The following TLN2 variants were observed in gnomAD, a reference collection of about 807,000 sequenced individuals.
TLN2 encodes talin 2.
In TLN2, 118 loss-of-function variants were observed where a neutral mutation model predicts 294.7. That is an observed-to-expected ratio of 0.40 (90% CI 0.34 to 0.47). TLN2 has a LOEUF of 0.47. TLN2 is among the 20% of genes least tolerant of loss of function. The pLI, the probability that TLN2 is intolerant of heterozygous loss-of-function variation, is 0.84. For missense variants in TLN2, 3,083 were observed against 3,282.2 expected (o/e 0.94, Z 1.48); for synonymous variants, 1,431 against 1,304.5 (o/e 1.10, Z -2.09).
intron 2 of TLN2, among the ~76,000 whole-genome samples, chr15:62,617,836 C>G (rs1303829701): frequency 1.3e-5 from 2 of 152,132 alleles, no homozygotes; most frequent in East Asian, 1.9e-4. Context: ...GAAACATACT[C>G]TGTTGTATTT....
At chr15:62,772,110 A>G (rs1226623847) in intron 42 of TLN2, among the ~76,000 whole-genome samples, 1 of 151,828 alleles carries the variant, frequency 6.6e-6, no homozygotes, top group South Asian at 2.1e-4. Context: ...TTGCTCATTT[A>G]TTTACTTATT....
intron 16 of TLN2, among the ~76,000 whole-genome samples, chr15:62,699,508 G>C (rs946787662): frequency 3.3e-5 from 5 of 152,072 alleles, no homozygotes; most frequent in Non-Finnish European, 7.4e-5. Context: ...CTACCACTGA[G>C]CTTTTCAGCA....
intron 1 of TLN2, among the ~76,000 whole-genome samples, chr15:62,552,369 C>T (rs1338026490): frequency 1.3e-5 from 2 of 152,094 alleles, no homozygotes; most frequent in East Asian, 3.9e-4. Flanking sequence ...TTATTTGTAA[C>T]CTACAAATTC....
chr15:62,525,013 C>T (rs537057908), intron 1 of TLN2, among the ~76,000 whole-genome samples: 1 of 152,324 alleles, frequency 6.6e-6, no homozygotes, highest in Non-Finnish European at 1.5e-5. Flanking sequence ...AGCTCATCCT[C>T]ATAGTCATCG....
At chr15:62,792,337 A>T (rs1026114514) in intron 45 of TLN2, among the ~76,000 whole-genome samples, 28 of 152,224 alleles carry the variant, frequency 1.8e-4, no homozygotes, top group Non-Finnish European at 3.2e-4. Context: ...TCTAATTAAC[A>T]TTCTTACCAG....
chr15:62,636,387 C>T (rs533953575), intron 3 of TLN2, among the ~76,000 whole-genome samples: 12 of 152,152 alleles, frequency 7.9e-5, no homozygotes, highest in Non-Finnish European at 1.6e-4. Context: ...TGGTCTGTGA[C>T]TGCTGGATTG....
chr15:62,621,654 C>T (rs1420924960), intron 3 of TLN2, among the ~76,000 whole-genome samples: 1 of 152,142 alleles, frequency 6.6e-6, no homozygotes, highest in African/African-American at 2.4e-5. Flanking sequence ...TGTTACTGAG[C>T]TCCTGCAGTC....
At chr15:62,786,225 C>T (rs921999779) in intron 45 of TLN2, among the ~76,000 whole-genome samples, 1 of 152,166 alleles carries the variant, frequency 6.6e-6, no homozygotes, top group African/African-American at 2.4e-5. Flanking sequence ...CCCAAGAGGG[C>T]CCCCTATCAC....
chr15:62,415,098 AG>A (rs1448499275), intron 1 of TLN2, among the ~76,000 whole-genome samples: 2 of 139,928 alleles, frequency 1.4e-5, no homozygotes, highest in Non-Finnish European at 3.1e-5. Flanking sequence ...TAGTAGAGAC[AG>A]GGTTTCACCA....
At chr15:62,839,969 C>CA (rs2070420445) in intron 58 of TLN2, among the ~76,000 whole-genome samples, 1 of 152,156 alleles carries the variant, frequency 6.6e-6, no homozygotes, top group African/African-American at 2.4e-5. Flanking sequence ...TACCTATCAG[C>CA]AAGTCTTCCT....
intron 1 of TLN2, among the ~76,000 whole-genome samples, chr15:62,476,049 G>T (rs1358394260): frequency 5.3e-5 from 8 of 152,244 alleles, no homozygotes; most frequent in African/African-American, 1.9e-4. Context: ...TATTTCCAAG[G>T]ACCCTTGGCA....
chr15:62,728,573 G>A (rs775846152), intron 28 of TLN2, among the ~76,000 whole-genome samples: 2 of 152,216 alleles, frequency 1.3e-5, no homozygotes, highest in African/African-American at 4.8e-5. Context: ...ACTTTGTATC[G>A]TCAGTCTTTT....
intron 1 of TLN2, among the ~76,000 whole-genome samples, chr15:62,476,876 G>A (rs2037811327): frequency 6.6e-6 from 1 of 152,168 alleles, no homozygotes; most frequent in African/African-American, 2.4e-5. Context: ...CCCCTTTAGA[G>A]ATGCTTATCT....
intron 1 of TLN2, among the ~76,000 whole-genome samples, chr15:62,530,422 A>T (rs536201598): frequency 6.6e-6 from 1 of 152,054 alleles, no homozygotes; most frequent in Non-Finnish European, 1.5e-5. Context: ...CAGTGGCACA[A>T]TCTCAGCTCA....
chr15:62,595,850 A>T (rs889823828), intron 2 of TLN2, among the ~76,000 whole-genome samples: 1 of 152,218 alleles, frequency 6.6e-6, no homozygotes, highest in Non-Finnish European at 1.5e-5. Context: ...AATCTAAAAA[A>T]TTTGAACTCA....
At chr15:62,676,056 G>C (rs2056149334) in intron 11 of TLN2, among the ~76,000 whole-genome samples, 2 of 152,308 alleles carry the variant, frequency 1.3e-5, no homozygotes, top group African/African-American at 4.8e-5. Flanking sequence ...CAGTCTTCTT[G>C]TGTTGCTTTC....
At position 62,407,878 on chromosome 15, in the gene TLN2, A is replaced by G. The variant is rs183892149; in HGVS notation, c.-238+17193A>G. 1.9e-3 allele frequency among the ~76,000 whole-genome samples: 283 copies of G among 152,162 alleles called. 1 individual carries two copies. The highest frequency in any genetic ancestry group is 5.8e-3 in the African/African-American group (242 of 41,506). ...TATGGTGAGCTAAGATCACACCACAATACTCCTGCCTGGACAACAGAGTGA... is the reference window on the plus strand; with the variant it reads ...TATGGTGAGCTAAGATCACACCACAGTACTCCTGCCTGGACAACAGAGTGA... On this transcript the variant is annotated intron_variant, in intron 1 of 58. Coordinates refer to ENST00000636159, the MANE Select transcript of TLN2 (RefSeq NM_015059.3).
chr15:62,525,381 A>T (rs1025491823), intron 1 of TLN2, among the ~76,000 whole-genome samples: 7 of 152,206 alleles, frequency 4.6e-5, no homozygotes, highest in Non-Finnish European at 8.8e-5. Flanking sequence ...ATACAGATTT[A>T]TGCAACTTGG....
chr15:62,761,866 C>T (rs1046931208), intron 38 of TLN2, 45 bp downstream of exon 38: 1 of 1,608,326 alleles, frequency 6.2e-7, no homozygotes, highest in South Asian at 1.1e-5. Flanking sequence ...CTTTGGCTAA[C>T]TTTGTGTGGC....
Sources: gnomAD v4.1 joint callset for allele counts (sites outside exome capture counted in the v4.1 genomes callset) on GRCh38, gnomAD v4.1.1 for gene constraint, MANE v1.5 for transcripts, NCBI Gene and HGNC (gene_info 2026-07-23, HGNC 2026-07-21) for gene names.